The following PDE11A variants were observed in gnomAD, a reference collection of about 807,000 sequenced individuals.
PDE11A encodes the protein dual 3',5'-cyclic-AMP and -GMP phosphodiesterase 11A.
PDE11A carries 100 observed loss-of-function variants against 100.5 expected under a neutral mutation model. The observed-to-expected ratio is 1.00, with a 90% confidence interval of 0.85 to 1.18. The LOEUF (loss-of-function observed/expected upper bound fraction) is 1.18. PDE11A is among the 50% of genes most tolerant of loss of function. The pLI, the probability that PDE11A is intolerant of heterozygous loss-of-function variation, is 0.00. For missense variants in PDE11A, 1,141 were observed against 1,152.6 expected (o/e 0.99, Z 0.15); for synonymous variants, 381 against 420.8 (o/e 0.91, Z 1.16).
At chr2:177,907,831 C>T (rs931414669) in intron 2 of PDE11A, among the ~76,000 whole-genome samples, 1 of 152,232 alleles carries the variant, frequency 6.6e-6, no homozygotes, top group Non-Finnish European at 1.5e-5. Flanking sequence ...CCTCTGCTGT[C>T]ATGCAATCTA....
At chr2:177,658,911 A>G (rs931978718) in intron 19 of PDE11A, among the ~76,000 whole-genome samples, 1 of 151,902 alleles carries the variant, frequency 6.6e-6, no homozygotes, top group African/African-American at 2.4e-5. Context: ...TTTTTTCCAG[A>G]GAACCTATTA....
intron 2 of PDE11A, among the ~76,000 whole-genome samples, chr2:177,930,139 T>C (rs1026022868): frequency 6.6e-6 from 1 of 152,242 alleles, no homozygotes; most frequent in Non-Finnish European, 1.5e-5. Flanking sequence ...TCAACAGCCC[T>C]CTCACAATAT....
At chr2:177,784,387 C>T (rs201882870) in intron 9 of PDE11A, among the ~76,000 whole-genome samples, 12 of 151,936 alleles carry the variant, frequency 7.9e-5, no homozygotes, top group East Asian at 1.9e-4. Flanking sequence ...TTACAAATGC[C>T]GTGGCATTGT....
At chr2:177,944,944 C>T (rs1389414162) in intron 2 of PDE11A, among the ~76,000 whole-genome samples, 1 of 150,424 alleles carries the variant, frequency 6.6e-6, no homozygotes, top group Non-Finnish European at 1.5e-5. Context: ...GATTCTCCTG[C>T]CTCAGCCTGC....
At chr2:178,043,901 C>T (rs1398985966) in intron 1 of PDE11A, among the ~76,000 whole-genome samples, 1 of 152,144 alleles carries the variant, frequency 6.6e-6, no homozygotes, top group African/African-American at 2.4e-5. Context: ...CTCTTTTCAC[C>T]ATATTATGTT....
chr2:177,956,017 A>G (rs2085557239), intron 2 of PDE11A, among the ~76,000 whole-genome samples: 1 of 151,352 alleles, frequency 6.6e-6, no homozygotes, highest in Admixed American at 6.6e-5. Context: ...CTTCATGTCT[A>G]AAACACCAAA....
intron 17 of PDE11A, among the ~76,000 whole-genome samples, chr2:177,673,159 G>C (rs2080710704): frequency 6.6e-6 from 1 of 152,174 alleles, no homozygotes; most frequent in Non-Finnish European, 1.5e-5. Context: ...CAAATGGAAA[G>C]GACTTGAATC....
chr2:177,735,887 G>A (rs2081771861), intron 10 of PDE11A, among the ~76,000 whole-genome samples: 1 of 152,140 alleles, frequency 6.6e-6, no homozygotes, highest in South Asian at 2.1e-4. Flanking sequence ...ATTCTCTATG[G>A]CCAAACCTCC....
intron 2 of PDE11A, among the ~76,000 whole-genome samples, chr2:177,993,428 T>A (rs765511716): frequency 5.3e-5 from 8 of 152,212 alleles, no homozygotes; most frequent in Non-Finnish European, 1.2e-4. Flanking sequence ...ATTTTTAAAG[T>A]CCCCTTGCTT....
At chr2:177,766,881 A>G (rs969938378) in intron 10 of PDE11A, among the ~76,000 whole-genome samples, 4 of 152,236 alleles carry the variant, frequency 2.6e-5, no homozygotes, top group Non-Finnish European at 4.4e-5. Flanking sequence ...TAAATTATTA[A>G]TCTTGATAAT....
intron 9 of PDE11A, among the ~76,000 whole-genome samples, chr2:177,816,351 A>C (rs533819508): frequency 3.5e-4 from 54 of 152,334 alleles, no homozygotes; most frequent in South Asian, 6.2e-4. Context: ...ACATGGGAAC[A>C]GGTCAAGGTT....
At chr2:177,728,842 T>C (rs1306162416) in intron 10 of PDE11A, among the ~76,000 whole-genome samples, 1 of 152,092 alleles carries the variant, frequency 6.6e-6, no homozygotes, top group Non-Finnish European at 1.5e-5. Flanking sequence ...ATACTGGTCA[T>C]ACATATTCAA....
At chr2:177,861,331 A>G (rs2083941980) in intron 5 of PDE11A, among the ~76,000 whole-genome samples, 1 of 151,870 alleles carries the variant, frequency 6.6e-6, no homozygotes. Context: ...CATTTACAAT[A>G]ATATCAAAAA....
intron 19 of PDE11A, among the ~76,000 whole-genome samples, 196 bp downstream of exon 19, chr2:177,663,670 G>A (rs2080521212): frequency 3.3e-5 from 5 of 152,144 alleles, no homozygotes; most frequent in South Asian, 2.1e-4. Context: ...AGTGGAGAAC[G>A]CAGGTCTGCA....
intron 9 of PDE11A, among the ~76,000 whole-genome samples, chr2:177,809,525 T>C (rs552116215): frequency 1.9e-4 from 29 of 152,148 alleles, no homozygotes; most frequent in Non-Finnish European, 2.6e-4. Context: ...AAAAAGAAAA[T>C]GTTGGTGTCT....
At chr2:177,701,922 T>C (rs555736665) in intron 13 of PDE11A, among the ~76,000 whole-genome samples, 3 of 152,208 alleles carry the variant, frequency 2.0e-5, no homozygotes, top group Admixed American at 2.0e-4. Flanking sequence ...ACTTGGCCTT[T>C]TTAAGACTCA....
intron 9 of PDE11A, among the ~76,000 whole-genome samples, chr2:177,789,750 C>G (rs2082598990): frequency 6.6e-6 from 1 of 152,030 alleles, no homozygotes; most frequent in Admixed American, 6.6e-5. Context: ...CAATAACAGA[C>G]AAACAGAGAG....
chr2:178,089,048 T>C (rs769302630), intron 2 of PDE11A, among the ~76,000 whole-genome samples: 3 of 152,216 alleles, frequency 2.0e-5, no homozygotes, highest in Non-Finnish European at 2.9e-5. Context: ...TGCACAGATA[T>C]GGTGCCCGTA....
chr2:177,695,969 C>T (rs1009013900), intron 15 of PDE11A, among the ~76,000 whole-genome samples: 1 of 152,046 alleles, frequency 6.6e-6, no homozygotes, highest in South Asian at 2.1e-4. Context: ...AGTGGAGGAA[C>T]AGGATTCGAT....
Sources: allele counts gnomAD v4.1 joint callset (sites outside exome capture counted in the v4.1 genomes callset), GRCh38; gene constraint gnomAD v4.1.1; transcripts MANE v1.5; gene names NCBI Gene and HGNC (gene_info 2026-07-23, HGNC 2026-07-21).